The following RACGAP1 variants were observed in gnomAD, a reference collection of about 807,000 sequenced individuals.
The protein encoded by RACGAP1 is Rac GTPase activating protein 1.
RACGAP1 carries 30 observed loss-of-function variants against 78.1 expected under a neutral mutation model. That is an observed-to-expected ratio of 0.38 (90% confidence interval 0.29 to 0.52). The LOEUF is 0.52. RACGAP1 is among the 20% of genes least tolerant of loss of function. RACGAP1 has a pLI of 0.82. For synonymous variants in RACGAP1, 231 were observed against 264.8 expected, an observed-to-expected ratio of 0.87 and a Z score of 1.24; for missense variants, 587 against 777.1, an observed-to-expected ratio of 0.76 and a Z score of 2.91.
chr12:50,018,077 G>A (rs1949778560), intron 1 of RACGAP1, among the ~76,000 whole-genome samples: 1 of 149,808 alleles, frequency 6.7e-6, no homozygotes, highest in Non-Finnish European at 1.5e-5. Flanking sequence ...AGGATCGCTT[G>A]AACCTGGGAG....
upstream of RACGAP1, among the ~76,000 whole-genome samples, chr12:50,029,116 T>G (rs1950306871): frequency 6.6e-6 from 1 of 151,238 alleles, no homozygotes; most frequent in African/African-American, 2.4e-5. Context: ...CTCAGGAGGC[T>G]GAGGCAGGAG....
chr12:49,990,335 C>T lies in RACGAP1; in HGVS notation c.1832G>A (p.Ser611Asn), dbSNP rs919220407. ...TLTKNTPRFG[S>N]KSKSATNLGR... ...TAGGTTAGTGGCAGACTTGCTTTTGCTCCCAAATCTACAATAAAAAGAGAA... is the reference window on the plus strand; with the variant it reads ...TAGGTTAGTGGCAGACTTGCTTTTGTTCCCAAATCTACAATAAAAAGAGAA... The change falls in exon 17 of 17, where the codon AGC becomes AAC. Residue 611 changes from serine to asparagine, a missense_variant. Transcript: ENST00000312377. The T allele has an allele frequency of 3.1e-6, 5 of 1,612,624 alleles. No individual in the cohort carries two copies. In the African/African-American group the frequency reaches 5.3e-5, roughly 17 times the overall value.
chr12:49,994,627 T>C (rs941461630), intron 10 of RACGAP1, 118 bp from the exon 11 acceptor site: 8 of 1,423,132 alleles, frequency 5.6e-6, no homozygotes, highest in African/African-American at 2.9e-5. Context: ...TGTCTACTTT[T>C]ACATTCCTAT....
chr12:49,999,707 A>T lies in RACGAP1; in HGVS notation c.657T>A (p.Thr219=). ...CGCCATCATTGGGAACAGTCACTGT[A>T]GTTTTTGCAACTATGGATTCATTCC... ...DQGNESIVAK[T]TVTVPNDGGP... is the part of the protein sequence containing the mutation. Residue 219 remains threonine (T), a synonymous_variant, in exon 8 of 17, where the codon ACT becomes ACA. Transcript: ENST00000312377. 6.2e-7 allele frequency: 1 copy of T among 1,614,142 alleles called. No individual in the cohort carries two copies. The highest frequency in any genetic ancestry group is 2.2e-5 in the East Asian group (1 of 44,888).
chr12:50,014,135 A>G (rs890836956), intron 2 of RACGAP1, among the ~76,000 whole-genome samples: 1 of 152,254 alleles, frequency 6.6e-6, no homozygotes, highest in Non-Finnish European at 1.5e-5. Flanking sequence ...AGATACCACA[A>G]GTAAGTACTA....
Position 49,990,304 on chromosome 12 carries a change from T to C in RACGAP1, c.1863A>G (p.Arg621=). ...SKSKSATNLG[R]QGNFFASPML... ...TTGGAGAAGCAAAAAAGTTGCCTTG[T>C]CGTCCTAGGTTAGTGGCAGACTTGC... Residue 621 remains arginine (R), a synonymous_variant, in exon 17 of 17, where the codon CGA becomes CGG. Transcript: ENST00000312377. 1.2e-6 allele frequency: 2 copies of C among 1,614,030 alleles called. No individual in the cohort carries two copies. Among genetic ancestry groups the C allele is most frequent in the Non-Finnish European group, 1.7e-6 (2 of 1,179,892 alleles).
Position 49,999,613 on chromosome 12 carries a change from G to A in RACGAP1, c.748+3C>T, listed in dbSNP as rs371237343. ...GGCCAGTTTAGTCACAAATTCAATG[G>A]ACCTGTTTTCCTTCGGCTCCTGGTC... On this transcript the variant is annotated splice_donor_region_variant and intron_variant, in intron 8 of 16. Coordinates refer to ENST00000312377, the MANE Select transcript of RACGAP1 (RefSeq NM_001319999.2). 8.7e-6 allele frequency: 14 copies of A among 1,610,386 alleles called. No individual in the cohort carries two copies. In the African/African-American group the frequency reaches 1.5e-4, roughly 17 times the overall value.
chr12:50,013,115 T>A (rs1370173571), intron 2 of RACGAP1, among the ~76,000 whole-genome samples: 2 of 152,042 alleles, frequency 1.3e-5, no homozygotes, highest in African/African-American at 2.4e-5. Context: ...ATTAGAGATC[T>A]GGAGAAGGAG....
At chr12:50,001,369 TAACA>T (rs1948665574) in intron 6 of RACGAP1, 117 bp from the exon 7 acceptor site, 3 of 656,022 alleles carry the variant, frequency 4.6e-6, no homozygotes, top group Non-Finnish European at 2.6e-6. Context: ...CTACAGTAAA[TAACA>T]AACAATGTGT....
intron 10 of RACGAP1, among the ~76,000 whole-genome samples, chr12:49,995,044 A>G (rs1042619911): frequency 2.0e-5 from 3 of 152,202 alleles, no homozygotes; most frequent in African/African-American, 7.2e-5. Context: ...AGTACAGAAC[A>G]TGTGTAAAAA....
chr12:49,999,818 T>A, intron 7 of RACGAP1, 85 bp from the exon 8 acceptor site: 1 of 1,107,192 alleles, frequency 9.0e-7, no homozygotes, highest in South Asian at 1.3e-5. Flanking sequence ...AGGTAAAAAA[T>A]TCCTTAGTCT....
At chr12:50,027,601 G>A (rs781529443), upstream of RACGAP1, among the ~76,000 whole-genome samples, 11 of 152,210 alleles carry the variant, frequency 7.2e-5, no homozygotes, top group Non-Finnish European at 1.3e-4. Context: ...GCCGAGGCGG[G>A]TGGATCGTGA....
chr12:50,023,016 A>G lies in RACGAP1; in HGVS notation c.-5+2382T>C, dbSNP rs547373392. On this transcript the variant is annotated intron_variant, in intron 1 of 16. Transcript: ENST00000312377. ...CTCCATCTAACATACTTACATATTTATTCAGTTTATTGTCTGTTTCTCCTC... is the reference window on the plus strand; with the variant it reads ...CTCCATCTAACATACTTACATATTTGTTCAGTTTATTGTCTGTTTCTCCTC... Among the ~76,000 whole-genome samples the G allele has an allele frequency of 1.6e-4, 25 of 152,334 alleles. No homozygotes were observed. The South Asian group carries it at 2.3e-3, about 14-fold the overall frequency.
At chr12:50,008,622 A>G (rs1476519092) in intron 2 of RACGAP1, among the ~76,000 whole-genome samples, 1 of 151,932 alleles carries the variant, frequency 6.6e-6, no homozygotes, top group Non-Finnish European at 1.5e-5. Context: ...CTTCCTGAGT[A>G]ACTGGGACTA....
intron 10 of RACGAP1, among the ~76,000 whole-genome samples, chr12:49,996,628 T>TAAAAAAAAAAAAAAAA (rs57512055): frequency 1.1e-4 from 2 of 18,996 alleles, no homozygotes; most frequent in Non-Finnish European, 1.7e-4. Context: ...GCAATAGAGC[T>TAAAAAAAAAAAAAAAA]AAAAAAAAAA....
intron 1 of RACGAP1, among the ~76,000 whole-genome samples, chr12:50,021,850 G>T (rs972039440): frequency 6.6e-6 from 1 of 152,140 alleles, no homozygotes; most frequent in Non-Finnish European, 1.5e-5. Flanking sequence ...TCCTTTCATA[G>T]GAACACATTT....
chr12:50,024,377 C>G (rs942646269), intron 1 of RACGAP1, among the ~76,000 whole-genome samples: 7 of 152,132 alleles, frequency 4.6e-5, no homozygotes, highest in African/African-American at 1.4e-4. Context: ...ATGGATAGAA[C>G]TGGAGGCCAT....
At position 49,990,712 on chromosome 12, in the gene RACGAP1, G is replaced by A. The variant is rs780122994; in HGVS notation, c.1795C>T (p.Arg599Cys). The change falls in exon 16 of 17, where the codon CGT becomes TGT. Residue 599 changes from arginine to cysteine, a missense_variant. Transcript: ENST00000312377. ...PSSSSLSQRV[R>C]STLTKNTPRF... The stretch of plus-strand genomic sequence containing the variant: ...GGAGTGTTCTTGGTGAGGGTGGAAC[G>A]GACTCTCTGTGACAGGGAACTAGAT... 10 of 1,613,610 alleles carry A rather than the reference G, an allele frequency of 6.2e-6. No homozygotes were observed. The highest frequency in any genetic ancestry group is 3.3e-5 in the South Asian group (3 of 91,068).
At chr12:49,998,450 T>C (rs1024389467) in intron 9 of RACGAP1, among the ~76,000 whole-genome samples, 1 of 152,052 alleles carries the variant, frequency 6.6e-6, no homozygotes, top group African/African-American at 2.4e-5. Context: ...AATCTGTCAC[T>C]TACTATCATG....
Sources: gnomAD v4.1 joint callset for allele counts (sites outside exome capture counted in the v4.1 genomes callset) on GRCh38, gnomAD v4.1.1 for gene constraint, MANE v1.5 for transcripts, NCBI Gene and HGNC (gene_info 2026-07-23, HGNC 2026-07-21) for gene names.